TOX: variants seen among roughly 807,000 people sequenced by gnomAD.
TOX encodes thymocyte selection associated high mobility group box, also known as thymocyte selection-associated high mobility group box protein TOX.
A neutral mutation model predicts 53.7 loss-of-function variants in TOX; 11 were observed. The ratio of observed to expected loss-of-function variants is 0.20; its 90% CI spans 0.13 to 0.34. TOX has a LOEUF of 0.34. TOX is among the 10% of genes least tolerant of loss of function. The pLI, the probability that TOX is intolerant of heterozygous loss-of-function variation, is 1.00. For missense variants in TOX, 570 were observed against 664.6 expected, an observed-to-expected ratio of 0.86 and a Z score of 1.56; for synonymous variants, 225 against 245.3, an observed-to-expected ratio of 0.92 and a Z score of 0.77.
At chr8:58,963,314 T>TATATATAG (rs71557744) in intron 1 of TOX, among the ~76,000 whole-genome samples, 26,131 of 130,306 alleles carry the variant, frequency 0.2, 2,490 homozygotes, top group East Asian at 0.26. Context: ...TAGATATATA[T>TATATATAG]ATAGATAGAT....
At chr8:58,988,435 TC>T (rs550528768) in intron 1 of TOX, among the ~76,000 whole-genome samples, 18 of 152,156 alleles carry the variant, frequency 1.2e-4, no homozygotes, top group Non-Finnish European at 2.5e-4. Flanking sequence ...ACATCAACTA[TC>T]TGGCCTGCAA....
At chr8:58,861,384 A>C (rs529315538) in intron 3 of TOX, among the ~76,000 whole-genome samples, 1 of 152,222 alleles carries the variant, frequency 6.6e-6, no homozygotes, top group Non-Finnish European at 1.5e-5. Flanking sequence ...ACCTATGATT[A>C]GAATCAACGA....
At chr8:58,902,933 C>G (rs986482405) in intron 3 of TOX, among the ~76,000 whole-genome samples, 6 of 152,174 alleles carry the variant, frequency 3.9e-5, no homozygotes, top group Non-Finnish European at 8.8e-5. Flanking sequence ...ATCCCTATTA[C>G]AAAGCCTTAG....
intron 4 of TOX, among the ~76,000 whole-genome samples, chr8:58,838,720 T>TTTTTTTTTTTTTTTTTTTTTTTTTTG (rs60306655): frequency 7.6e-6 from 1 of 131,862 alleles, no homozygotes; most frequent in African/African-American, 2.8e-5. Context: ...TTTTTTTTTT[T>TTTTTTTTTTTTTTTTTTTTTTTTTTG]GAGATGGAGT....
chr8:59,047,203 GTTTTTTTTT>G (rs10551461), intron 1 of TOX, among the ~76,000 whole-genome samples: 3 of 44,684 alleles, frequency 6.7e-5, no homozygotes, highest in African/African-American at 9.0e-5. Context: ...ACCAAGAATT[GTTTTTTTTT>G]TTTTTTTTTT....
intron 1 of TOX, among the ~76,000 whole-genome samples, chr8:59,114,959 C>A (rs906769416): frequency 6.6e-6 from 1 of 152,164 alleles, no homozygotes; most frequent in Non-Finnish European, 1.5e-5. Context: ...AAGCAGAGTT[C>A]ATCACAAATG....
Position 59,092,270 on chromosome 8 carries a change from T to TATATAC in TOX, c.102+26615_102+26616insGTATAT, listed in dbSNP as rs1352109789. Among the ~76,000 whole-genome samples, 8 of 116,450 alleles carry TATATAC rather than the reference T, an allele frequency of 6.9e-5. 1 individual carries two copies. Among genetic ancestry groups the TATATAC allele is most frequent in the African/African-American group, 4.3e-4 (8 of 18,508 alleles). 76.4% of individuals were successfully genotyped at this position (116,450 alleles called of 152,430 possible). On this transcript the variant is annotated intron_variant, in intron 1 of 8. Coordinates refer to ENST00000361421, the MANE Select transcript of TOX (RefSeq NM_014729.3). ...CCATCTCATATATATATATTTTATATATATATATATATTATATATACATTA... is the reference window on the plus strand; with the variant it reads ...CCATCTCATATATATATATTTTATATATATACATATATATATATTATATATACATTA...
At chr8:58,989,384 C>G (rs148759811) in intron 1 of TOX, among the ~76,000 whole-genome samples, 7 of 152,086 alleles carry the variant, frequency 4.6e-5, no homozygotes, top group Non-Finnish European at 8.8e-5. Context: ...TATAAAGTGT[C>G]CTTTTTACCA....
chr8:59,036,780 G>A (rs1324448796), intron 1 of TOX, among the ~76,000 whole-genome samples: 5 of 152,212 alleles, frequency 3.3e-5, no homozygotes, highest in African/African-American at 1.2e-4. Context: ...GTGTGTATGT[G>A]TGTGACTATG....
intron 3 of TOX, among the ~76,000 whole-genome samples, chr8:58,852,215 G>A (rs1038415319): frequency 8.5e-5 from 13 of 152,106 alleles, no homozygotes; most frequent in African/African-American, 3.1e-4. Context: ...AATTATTAGT[G>A]ATTACAATAT....
chr8:59,077,774 T>C (rs539606663), intron 1 of TOX, among the ~76,000 whole-genome samples: 3 of 152,362 alleles, frequency 2.0e-5, no homozygotes, highest in Non-Finnish European at 2.9e-5. Context: ...CTAAGGGCTA[T>C]GATGTAGAAA....
chr8:59,064,788 C>G (rs909995429), intron 1 of TOX, among the ~76,000 whole-genome samples: 1 of 152,050 alleles, frequency 6.6e-6, no homozygotes, highest in Non-Finnish European at 1.5e-5. Flanking sequence ...TAGAATAAAA[C>G]AAGAAATTTT....
intron 3 of TOX, among the ~76,000 whole-genome samples, chr8:58,900,139 G>T (rs1208716167): frequency 6.6e-6 from 1 of 151,948 alleles, no homozygotes; most frequent in African/African-American, 2.4e-5. Context: ...CCTGGCCCAG[G>T]CTTGAACCAA....
At chr8:59,067,583 A>G (rs937482327) in intron 1 of TOX, among the ~76,000 whole-genome samples, 1 of 152,106 alleles carries the variant, frequency 6.6e-6, no homozygotes, top group Non-Finnish European at 1.5e-5. Flanking sequence ...ATAAATAAAT[A>G]AAACTACAAT....
intron 1 of TOX, among the ~76,000 whole-genome samples, chr8:59,086,425 A>G (rs919965562): frequency 2.0e-5 from 3 of 152,190 alleles, no homozygotes; most frequent in African/African-American, 7.2e-5. Context: ...ATCCGGCCTA[A>G]TAAGTTTGCT....
Position 58,875,656 on chromosome 8 carries a change from G to T in TOX, c.412-23851C>A, listed in dbSNP as rs535351485. Among the ~76,000 whole-genome samples the T allele has an allele frequency of 2.6e-5, 4 of 152,222 alleles. No homozygotes were observed. In the East Asian group the frequency reaches 7.7e-4, roughly 29 times the overall value. ...CTGGTTCAGTATCTTTGAAATTTTG[G>T]TGATATTCCTTGGCAATTGGTTTTA... On this transcript the variant is annotated intron_variant, in intron 3 of 8. Coordinates refer to ENST00000361421, the MANE Select transcript of TOX (RefSeq NM_014729.3).
At chr8:59,071,006 G>C (rs1176920059) in intron 1 of TOX, among the ~76,000 whole-genome samples, 2 of 152,178 alleles carry the variant, frequency 1.3e-5, no homozygotes, top group Admixed American at 1.3e-4. Context: ...TGATTTTTCA[G>C]ACAGAGAGTG....
At chr8:59,101,557 G>A (rs1348735383) in intron 1 of TOX, among the ~76,000 whole-genome samples, 1 of 152,150 alleles carries the variant, frequency 6.6e-6, no homozygotes, top group Non-Finnish European at 1.5e-5. Flanking sequence ...CTCCTAGACT[G>A]CTGTTGCAGA....
At chr8:58,847,697 C>T (rs1350236538) in intron 4 of TOX, among the ~76,000 whole-genome samples, 1 of 152,014 alleles carries the variant, frequency 6.6e-6, no homozygotes, top group Non-Finnish European at 1.5e-5. Context: ...GAAACCCACA[C>T]ATATCACCAT....
Sources: gnomAD v4.1 joint callset for allele counts (sites outside exome capture counted in the v4.1 genomes callset) on GRCh38, gnomAD v4.1.1 for gene constraint, MANE v1.5 for transcripts, NCBI Gene and HGNC (gene_info 2026-07-23, HGNC 2026-07-21) for gene names.